Variants in LMO7 observed in about 807,000 individuals in gnomAD.
The protein encoded by LMO7 is LIM domain 7.
A neutral mutation model predicts 206.5 loss-of-function variants in LMO7; 120 were observed. That is an observed-to-expected ratio of 0.58 (90% CI 0.50 to 0.68). LMO7 has a LOEUF of 0.68. LMO7 is among the 30% of genes least tolerant of loss of function. LMO7 has a pLI of 0.00. For missense variants in LMO7, 1,959 were observed against 1,957.9 expected, an observed-to-expected ratio of 1.00 and a Z score of -0.01; for synonymous variants, 706 against 681.5, an observed-to-expected ratio of 1.04 and a Z score of -0.56.
At position 75,703,739 on chromosome 13, in the gene LMO7, T is replaced by TGTGTGTGTGTGTGCGCGC. The variant is rs57290262; in HGVS notation, c.70-9442_70-9441insTGTGTGTGTGTGCGCGCG. Among the ~76,000 whole-genome samples the TGTGTGTGTGTGTGCGCGC allele has an allele frequency of 1.1e-3, 165 of 151,788 alleles. 1 individual carries two copies. Among genetic ancestry groups the TGTGTGTGTGTGTGCGCGC allele is most frequent in the African/African-American group, 3.8e-3 (156 of 41,276 alleles). On this transcript the variant is annotated intron_variant, in intron 1 of 30. Coordinates refer to ENST00000377534, the MANE Select transcript of LMO7 (RefSeq NM_001306080.2). ...TTGTGTGTGTGTGTGTGTGTGTGTG[T>TGTGTGTGTGTGTGCGCGC]GCACTGTGAGGACAGTTTAAAAAGT...
At chr13:75,634,692 G>C (rs2035512190), upstream of LMO7, among the ~76,000 whole-genome samples, 1 of 151,742 alleles carries the variant, frequency 6.6e-6, no homozygotes, top group Non-Finnish European at 1.5e-5. Flanking sequence ...GCAGTGAGCC[G>C]AGATTGCACC....
intron 4 of LMO7, among the ~76,000 whole-genome samples, chr13:75,768,200 C>T (rs2049151951): frequency 6.6e-6 from 1 of 152,040 alleles, no homozygotes; most frequent in Admixed American, 6.6e-5. Context: ...TGTAGGAAAA[C>T]ACAGAGGAAA....
intron 1 of LMO7, among the ~76,000 whole-genome samples, chr13:75,699,128 TAGTAC>T (rs1318773389): frequency 2.0e-5 from 3 of 152,190 alleles, no homozygotes; most frequent in African/African-American, 7.2e-5. Context: ...TGGCATGTAT[TAGTAC>T]AGTAGTGTTC....
rs1001574471 is a variant in LMO7 at position 75,823,859 on chromosome 13, G to A, written c.2935G>A (p.Val979Ile). 3.1e-6 allele frequency: 5 copies of A among 1,613,736 alleles called. No homozygotes were observed. Among genetic ancestry groups the A allele is most frequent in the Non-Finnish European group, 4.2e-6 (5 of 1,179,714 alleles). The part of the protein sequence containing the change: ...GEGEISPQRE[V>I]SRSQDQFSDM... The stretch of plus-strand genomic sequence containing the variant: ...AGGGGAAATCTCCCCACAAAGAGAA[G>A]TCTCAAGATCCCAGGTGAGTTTGGA... The change falls in exon 15 of 31, where the codon GTC (valine) becomes ATC (isoleucine). Residue 979 changes from valine to isoleucine, a missense_variant. Val to Ile is a conservative substitution (Grantham distance 29). Transcript: ENST00000377534.
At chr13:75,671,137 T>C (rs181484705) in intron 1 of LMO7, among the ~76,000 whole-genome samples, 51 of 152,108 alleles carry the variant, frequency 3.4e-4, no homozygotes, top group Non-Finnish European at 5.4e-4. Context: ...GAAGCTGTCG[T>C]CTCCTATGAC....
At chr13:75,694,318 G>T (rs1274902216) in intron 1 of LMO7, among the ~76,000 whole-genome samples, 2 of 152,160 alleles carry the variant, frequency 1.3e-5, no homozygotes, top group African/African-American at 2.4e-5. Context: ...GAAGGCTCTG[G>T]GTTCTTTTGT....
At chr13:75,771,965 C>T (rs1388865546) in intron 4 of LMO7, among the ~76,000 whole-genome samples, 1 of 151,862 alleles carries the variant, frequency 6.6e-6, no homozygotes, top group Admixed American at 6.6e-5. Flanking sequence ...CATAGCACAT[C>T]AAGGGTAACA....
In LMO7 at chr13:75,727,045, A is replaced by T; in HGVS notation, c.157A>T (p.Lys53Ter). The change falls in exon 3 of 31, where the codon AAA (lysine) becomes TAA (stop). Residue 53 changes from lysine (K) to a stop codon, truncating the protein, a stop_gained. Transcript: ENST00000377534. LOFTEE classifies it high-confidence loss of function. ...VLLCDLINKL[K>*]PGVIKKINRL... Reference sequence around the variant, plus strand: ...TACTTTCAGTTTGATTAATAAGCTTAAACCTGGCGTCATTAAGAAGATCAA... The same window carrying T: ...TACTTTCAGTTTGATTAATAAGCTTTAACCTGGCGTCATTAAGAAGATCAA... 6.3e-7 allele frequency: 1 copy of T among 1,585,288 alleles called. No individual in the cohort carries two copies.
intron 15 of LMO7, among the ~76,000 whole-genome samples, chr13:75,832,088 G>GT (rs1294503756): frequency 1.3e-5 from 2 of 152,086 alleles, no homozygotes; most frequent in African/African-American, 4.8e-5. Context: ...GTAAGTCTAA[G>GT]TTTTTTGTGA....
intron 3 of LMO7, among the ~76,000 whole-genome samples, chr13:75,731,379 T>C (rs1566362966): frequency 6.6e-6 from 1 of 152,220 alleles, no homozygotes; most frequent in South Asian, 2.1e-4. Flanking sequence ...TTTACCATTA[T>C]GTAATGGCCT....
chr13:75,731,297 A>G (rs1380078522), intron 3 of LMO7, among the ~76,000 whole-genome samples: 1 of 152,108 alleles, frequency 6.6e-6, no homozygotes, highest in Non-Finnish European at 1.5e-5. Context: ...GACTTGCTTT[A>G]TGAGTCTGGG....
intron 4 of LMO7, among the ~76,000 whole-genome samples, chr13:75,785,510 A>G (rs565756810): frequency 6.6e-6 from 1 of 152,290 alleles, no homozygotes; most frequent in Non-Finnish European, 1.5e-5. Flanking sequence ...ATAAAGGAGG[A>G]CTTAAACAGA....
At chr13:75,648,386 C>T (rs2037247933) in intron 1 of LMO7, among the ~76,000 whole-genome samples, 1 of 152,174 alleles carries the variant, frequency 6.6e-6, no homozygotes, top group East Asian at 1.9e-4. Flanking sequence ...CTTCCCAACA[C>T]CATGCAGCTG....
chr13:75,684,704 A>C (rs1165720897), intron 1 of LMO7, among the ~76,000 whole-genome samples: 1 of 152,098 alleles, frequency 6.6e-6, no homozygotes, highest in Non-Finnish European at 1.5e-5. Flanking sequence ...AGAGAGTGGC[A>C]GGGCTGGAAT....
intron 4 of LMO7, among the ~76,000 whole-genome samples, chr13:75,784,009 C>T (rs905506818): frequency 1.3e-5 from 2 of 152,144 alleles, no homozygotes; most frequent in African/African-American, 4.8e-5. Flanking sequence ...CAGTGGTTCT[C>T]AACCATGGGA....
intron 15 of LMO7, 45 bp downstream of exon 15, chr13:75,823,918 C>A (rs780247401): frequency 4.7e-6 from 7 of 1,498,108 alleles, no homozygotes; most frequent in South Asian, 1.2e-5. Context: ...CAGACACTTA[C>A]ACATTTAAAT....
At position 75,730,543 on chromosome 13, in the gene LMO7, C is replaced by T. The variant is rs377318814; in HGVS notation, c.210+3445C>T. Among the ~76,000 whole-genome samples the T allele has an allele frequency of 4.7e-3, 706 of 150,756 alleles. 8 individuals carry two copies. Among genetic ancestry groups the T allele is most frequent in the African/African-American group, 0.016 (656 of 40,788 alleles). Reference sequence around the variant, plus strand: ...TTTTTTCCTTTATTAGTCTTGCTAGCGGTCTATCAATTTTGTTGATCCTTT... The same window carrying T: ...TTTTTTCCTTTATTAGTCTTGCTAGTGGTCTATCAATTTTGTTGATCCTTT... On this transcript the variant is annotated intron_variant, in intron 3 of 30. Transcript: ENST00000377534.
At chr13:75,696,185 T>C (rs1566319438) in intron 1 of LMO7, among the ~76,000 whole-genome samples, 1 of 152,066 alleles carries the variant, frequency 6.6e-6, no homozygotes, top group Non-Finnish European at 1.5e-5. Context: ...TGAAACCCTG[T>C]CTCTACTAAA....
chr13:75,841,580 C>T (rs755468987), intron 23 of LMO7, 48 bp from the exon 24 acceptor site: 24 of 1,324,610 alleles, frequency 1.8e-5, no homozygotes, highest in East Asian at 9.2e-5. Context: ...TATGAAATTA[C>T]GGAAATAAAC....
Sources: gnomAD v4.1 joint callset for allele counts (sites outside exome capture counted in the v4.1 genomes callset) on GRCh38, gnomAD v4.1.1 for gene constraint, MANE v1.5 for transcripts, NCBI Gene and HGNC (gene_info 2026-07-23, HGNC 2026-07-21) for gene names.